TFDP2: variants seen among roughly 807,000 people sequenced by gnomAD.
The protein encoded by TFDP2 is transcription factor Dp-2, also known as transcription factor Dp-2 (E2F dimerization partner 2).
In TFDP2, 17 loss-of-function variants were observed where a neutral mutation model predicts 59.3. The ratio of observed to expected loss-of-function variants is 0.29; its 90% CI spans 0.20 to 0.43. TFDP2 has a LOEUF of 0.43. Ranked by LOEUF, TFDP2 falls within the 20% of genes least tolerant of loss-of-function variation. TFDP2 has a pLI of 1.00. For synonymous variants in TFDP2, 180 were observed against 194.7 expected (o/e 0.92, Z 0.63); for missense variants, 391 against 528.8 (o/e 0.74, Z 2.56).
chr3:142,133,408 TG>T lies in TFDP2; in HGVS notation c.-93+15774del, dbSNP rs549276624. On this transcript the variant is annotated intron_variant, in intron 1 of 12. Transcript: ENST00000489671. ...ATATTTTTTGTATTTTTAGTAGATA[TG>T]GGGTTTCACTAGTCTCATACTCCTG... Among the ~76,000 whole-genome samples, 35 of 149,430 alleles carry T rather than the reference TG, an allele frequency of 2.3e-4. 4 individuals are homozygous for T. Among genetic ancestry groups the T allele is most frequent in the Admixed American group, 2.2e-3 (33 of 15,132 alleles).
chr3:142,091,914 T>G (rs759816220), intron 3 of TFDP2, among the ~76,000 whole-genome samples: 6 of 152,314 alleles, frequency 3.9e-5, no homozygotes, highest in Admixed American at 6.5e-5. Flanking sequence ...GCTCACAGCC[T>G]GGGAATTGGG....
At chr3:142,086,715 T>C (rs1232250345) in intron 3 of TFDP2, among the ~76,000 whole-genome samples, 1 of 152,162 alleles carries the variant, frequency 6.6e-6, no homozygotes, top group African/African-American at 2.4e-5. Flanking sequence ...GGGATTTTTA[T>C]GGAGGCTTCA....
chr3:142,037,420 T>C (rs371232854), intron 3 of TFDP2, among the ~76,000 whole-genome samples: 90 of 152,314 alleles, frequency 5.9e-4, no homozygotes, highest in African/African-American at 2.2e-3. Context: ...TATGCTCTTT[T>C]ATTATAGATA....
intron 3 of TFDP2, among the ~76,000 whole-genome samples, chr3:142,062,766 A>C (rs573626154): frequency 6.0e-5 from 9 of 150,652 alleles, no homozygotes; most frequent in African/African-American, 1.7e-4. Context: ...ATAACATTAA[A>C]GTGAATAATG....
At chr3:141,988,041 T>A (rs1942319601) in intron 6 of TFDP2, among the ~76,000 whole-genome samples, 1 of 152,176 alleles carries the variant, frequency 6.6e-6, no homozygotes, top group East Asian at 1.9e-4. Context: ...TGACCTCCTA[T>A]ACTCAGCGAT....
At chr3:142,004,903 C>T (rs1021354036) in intron 4 of TFDP2, among the ~76,000 whole-genome samples, 3 of 152,204 alleles carry the variant, frequency 2.0e-5, no homozygotes, top group Admixed American at 6.5e-5. Flanking sequence ...TAATACTACA[C>T]ATCCAGAATC....
intron 3 of TFDP2, among the ~76,000 whole-genome samples, chr3:142,030,069 A>C (rs1015066721): frequency 6.6e-6 from 1 of 152,246 alleles, no homozygotes; most frequent in African/African-American, 2.4e-5. Flanking sequence ...CCAGTGTCTA[A>C]AACAGTGTCT....
intron 1 of TFDP2, among the ~76,000 whole-genome samples, chr3:142,122,994 G>A (rs1286511074): frequency 6.6e-6 from 1 of 150,744 alleles, no homozygotes; most frequent in Non-Finnish European, 1.5e-5. Context: ...GGGTCTCTCC[G>A]TCGCTCAGAC....
intron 1 of TFDP2, among the ~76,000 whole-genome samples, chr3:142,119,803 C>A (rs749348751): frequency 1.3e-5 from 2 of 152,222 alleles, no homozygotes; most frequent in Non-Finnish European, 2.9e-5. Context: ...GTAATCCCAG[C>A]ATTTTGGGAG....
At chr3:142,044,594 C>T (rs1260431344) in intron 3 of TFDP2, among the ~76,000 whole-genome samples, 1 of 151,932 alleles carries the variant, frequency 6.6e-6, no homozygotes, top group African/African-American at 2.4e-5. Flanking sequence ...TGGTCTCGAA[C>T]TCTTGACCTC....
chr3:142,124,290 G>A (rs2062156270), intron 1 of TFDP2, among the ~76,000 whole-genome samples: 1 of 152,128 alleles, frequency 6.6e-6, no homozygotes, highest in African/African-American at 2.4e-5. Flanking sequence ...TAAAATTATG[G>A]AAACACAGAA....
At chr3:141,966,146 T>TAA (rs1237575680) in intron 9 of TFDP2, among the ~76,000 whole-genome samples, 2 of 151,992 alleles carry the variant, frequency 1.3e-5, no homozygotes, top group Non-Finnish European at 2.9e-5. Flanking sequence ...AAGAGAGCAG[T>TAA]AAAAACATAA....
At position 142,139,443 on chromosome 3, in the gene TFDP2, TAC is replaced by T. The variant is rs2062855338; in HGVS notation, c.-93+9738_-93+9739del. ...GCTGGTTATTTTGCCTGTTAATTGA[TAC>T]AGTTTCTTCATAGCATTCATGGTCT... On this transcript the variant is annotated intron_variant, in intron 1 of 12. Transcript: ENST00000489671. 7.2e-5 allele frequency among the ~76,000 whole-genome samples: 11 copies of T among 152,334 alleles called. No homozygotes were observed. The South Asian group carries it at 2.3e-3, about 32-fold the overall frequency.
chr3:142,090,061 C>A (rs1374292739), intron 3 of TFDP2, among the ~76,000 whole-genome samples: 1 of 152,112 alleles, frequency 6.6e-6, no homozygotes, highest in Non-Finnish European at 1.5e-5. Context: ...TGAATTTTAC[C>A]AATTAAAAGA....
chr3:141,989,054 AC>A (rs1327653649), intron 6 of TFDP2: 2 of 151,944 alleles, frequency 1.3e-5, no homozygotes, highest in Non-Finnish European at 2.9e-5. Context: ...GAACCTTCAG[AC>A]CTCTCAAAGG....
intron 3 of TFDP2, among the ~76,000 whole-genome samples, chr3:142,016,079 T>C (rs1945110559): frequency 6.6e-6 from 1 of 152,154 alleles, no homozygotes; most frequent in Non-Finnish European, 1.5e-5. Flanking sequence ...TGGTGCGATC[T>C]CAGCTCATTG....
intron 11 of TFDP2, among the ~76,000 whole-genome samples, chr3:141,955,336 G>A (rs1005629712): frequency 1.2e-4 from 18 of 152,324 alleles, no homozygotes; most frequent in African/African-American, 4.1e-4. Context: ...ATGAGGTCAC[G>A]AAGAGATCAA....
At position 142,101,775 on chromosome 3, in the gene TFDP2, C is replaced by T; in HGVS notation, c.-26G>A. 1 of 1,278,974 alleles carries T rather than the reference C, an allele frequency of 7.8e-7. No individual in the cohort carries two copies. Among genetic ancestry groups the T allele is most frequent in the Non-Finnish European group, 1.0e-6 (1 of 975,334 alleles). The allele number at this position is 1,278,974 out of a possible 1,614,324, so 79.2% of individuals were successfully genotyped here. A position where few individuals can be genotyped will look rare whatever the true frequency, so the allele number is the denominator to read the frequency against. On this transcript the variant is annotated 5_prime_UTR_variant, in exon 2 of 13. Coordinates refer to ENST00000489671, the MANE Select transcript of TFDP2 (RefSeq NM_001178139.2). ...GTCAAACTGTATTCTATTTAAGATT[C>T]TGTAAAGCCATTAAAAAAATAAAAA...
intron 4 of TFDP2, among the ~76,000 whole-genome samples, chr3:141,995,930 T>G (rs1427953921): frequency 1.3e-5 from 2 of 149,170 alleles, no homozygotes; most frequent in East Asian, 3.9e-4. Context: ...TATTAAATAC[T>G]CTTTGAAGAT....
Sources: gnomAD v4.1 joint callset for allele counts (sites outside exome capture counted in the v4.1 genomes callset) on GRCh38, gnomAD v4.1.1 for gene constraint, MANE v1.5 for transcripts, NCBI Gene and HGNC (gene_info 2026-07-23, HGNC 2026-07-21) for gene names.